SYT7: variants seen among roughly 807,000 people sequenced by gnomAD.
SYT7 encodes the protein synaptotagmin 7.
SYT7 carries 29 observed loss-of-function variants against 75.1 expected under a neutral mutation model. That is an observed-to-expected ratio of 0.39 (90% CI 0.29 to 0.53). The LOEUF (loss-of-function observed/expected upper bound fraction) is 0.53, where lower values mean the gene tolerates loss of function less well. Among genes scored for constraint, SYT7 ranks in the 20% least tolerant of loss-of-function variants. The pLI is 0.77. For missense variants in SYT7, 693 were observed against 953.2 expected (o/e 0.73, Z 3.59); for synonymous variants, 376 against 401.7 (o/e 0.94, Z 0.76).
At chr11:61,577,989 G>C (rs556356062) in intron 1 of SYT7, among the ~76,000 whole-genome samples, 10 of 152,334 alleles carry the variant, frequency 6.6e-5, no homozygotes, top group African/African-American at 2.4e-4. Flanking sequence ...GGGACTTCAG[G>C]ATGAACCAGA....
chr11:61,524,511 A>G lies in SYT7; in HGVS notation c.1493T>C (p.Val498Ala). ...LFEGFPYEKVVQRILYLQVLD... is the reference protein window; with the variant it reads ...LFEGFPYEKVAQRILYLQVLD... ...GACTTGGAGGTAGAGGATCCTCTGC[A>G]CCACCTTCTCATAGGGAAAACCTGG... The change falls in exon 10 of 13, where the codon GTG becomes GCG. Residue 498 changes from valine (V) to alanine (A), a missense_variant. By Grantham distance (64) the Val-to-Ala change is moderately conservative (BLOSUM62 0). This residue lies in a region of SYT7 where 206 missense variants were observed against 360.0 expected (regional missense o/e 0.57). Transcript: ENST00000539008. The surrounding 1 kb of genome is among the most constrained non-coding windows in gnomAD (Gnocchi z 4.1). 6.2e-7 allele frequency: 1 copy of G among 1,600,866 alleles called. No individual in the cohort carries two copies. Among genetic ancestry groups the G allele is most frequent in the Non-Finnish European group, 8.5e-7 (1 of 1,172,746 alleles).
chr11:61,530,695 C>A, intron 8 of SYT7: 1 of 679,164 alleles, frequency 1.5e-6, no homozygotes, highest in Non-Finnish European at 1.8e-6. Flanking sequence ...ACCTGAGGTC[C>A]CTCTGGTCCC....
At chr11:61,585,550 G>A (rs2135496995), upstream of SYT7, among the ~76,000 whole-genome samples, 1 of 152,266 alleles carries the variant, frequency 6.6e-6, no homozygotes, top group African/African-American at 2.4e-5. Context: ...CAGAGGACAA[G>A]AGTCTGGAGA....
intron 1 of SYT7, among the ~76,000 whole-genome samples, chr11:61,568,210 T>C (rs1373434959): frequency 6.6e-6 from 1 of 152,118 alleles, no homozygotes; most frequent in Non-Finnish European, 1.5e-5. Context: ...GGTGGGGCTC[T>C]TTGAAAGGCA....
Position 61,546,734 on chromosome 11 carries a change from C to G in SYT7, c.347+443G>C. 1 of 438,310 alleles carries G rather than the reference C, an allele frequency of 2.3e-6. No individual in the cohort carries two copies. 27.2% of individuals were successfully genotyped at this position (438,310 alleles called of 1,614,324 possible). On this transcript the variant is annotated intron_variant, in intron 4 of 12. Coordinates refer to ENST00000539008, the MANE Select transcript of SYT7 (RefSeq NM_001365809.2). The surrounding 1 kb of genome is among the most constrained non-coding windows in gnomAD (Gnocchi z 7.6). The stretch of plus-strand genomic sequence containing the variant: ...AGTCAGAGTTCATCACCACCACCAC[C>G]ACCATCACCGCCACCACCGCCACGA...
intron 5 of SYT7, among the ~76,000 whole-genome samples, 191 bp downstream of exon 5, chr11:61,545,840 C>T (rs546025228): frequency 2.6e-4 from 39 of 152,264 alleles, no homozygotes; most frequent in African/African-American, 9.1e-4. Flanking sequence ...TGAAATGCAT[C>T]ACTGTATGGC....
chr11:61,558,394 A>AG (rs1018974472), intron 1 of SYT7, among the ~76,000 whole-genome samples: 1 of 151,336 alleles, frequency 6.6e-6, no homozygotes, highest in Admixed American at 6.6e-5. Context: ...TGGGGGTTGG[A>AG]GGGGGGCGGA....
intron 12 of SYT7, 95 bp from the exon 13 acceptor site, chr11:61,518,826 C>T (rs1299711541): frequency 6.9e-6 from 6 of 868,300 alleles, no homozygotes; most frequent in Non-Finnish European, 1.0e-5. Flanking sequence ...CCATGATACC[C>T]TAGCCTGTGG....
At chr11:61,579,516 T>C (rs368866094) in intron 1 of SYT7, among the ~76,000 whole-genome samples, 25 of 152,038 alleles carry the variant, frequency 1.6e-4, no homozygotes, top group African/African-American at 6.0e-4. Flanking sequence ...CAATATCGAC[T>C]GGACTGAAAA....
chr11:61,584,810 G>A (rs1032774669), upstream of SYT7, among the ~76,000 whole-genome samples: 8 of 152,208 alleles, frequency 5.3e-5, no homozygotes, highest in Admixed American at 4.6e-4. Flanking sequence ...CCCCTGCCCT[G>A]CCCTTGGGTC....
In SYT7 at chr11:61,576,926, G is replaced by T. The variant is rs1429632388; in HGVS notation, c.31+3864C>A. Reference sequence around the variant, plus strand: ...ACCCAGCTGCCCAGGGCCTGTCTTTGCTCACCCAGCACCCACCTATTGACC... The same window carrying T: ...ACCCAGCTGCCCAGGGCCTGTCTTTTCTCACCCAGCACCCACCTATTGACC... On this transcript the variant is annotated intron_variant, in intron 1 of 12. Coordinates refer to ENST00000539008, the MANE Select transcript of SYT7 (RefSeq NM_001365809.2). This position sits in a 1 kb window ranked among gnomAD's most constrained non-coding sequence, Gnocchi z 4.1. Among the ~76,000 whole-genome samples, 1 of 152,044 alleles carries T rather than the reference G, an allele frequency of 6.6e-6. No individual in the cohort carries two copies. Among genetic ancestry groups the T allele is most frequent in the African/African-American group, 2.4e-5 (1 of 41,390 alleles).
Position 61,581,000 on chromosome 11 carries a change from G to A in SYT7, c.-180C>T. On this transcript the variant is annotated 5_prime_UTR_variant, in exon 1 of 13. Transcript: ENST00000539008. The surrounding 1 kb of genome is among the most constrained non-coding windows in gnomAD (Gnocchi z 6.1). ...GCGGGGGCCGCCCGCCAGCCCTCCCGCCCGCCCGCGGAGCACGCTGCCGCC... is the reference window on the plus strand; with the variant it reads ...GCGGGGGCCGCCCGCCAGCCCTCCCACCCGCCCGCGGAGCACGCTGCCGCC... 2.5e-6 allele frequency: 1 copy of A among 395,858 alleles called. No homozygotes were observed. Among genetic ancestry groups the A allele is most frequent in the Non-Finnish European group, 3.3e-6 (1 of 298,692 alleles). 24.5% of individuals were successfully genotyped at this position (395,858 alleles called of 1,614,324 possible). A position where few individuals can be genotyped will look rare whatever the true frequency, so the allele number is the denominator to read the frequency against.
rs1355981479 is a variant in SYT7 at position 61,580,648 on chromosome 11, C to A, written c.31+142G>T. 1.5e-5 allele frequency: 7 copies of A among 459,154 alleles called. No homozygotes were observed. The highest frequency in any genetic ancestry group is 3.3e-6 in the Non-Finnish European group (1 of 300,264). 28.4% of individuals were successfully genotyped at this position (459,154 alleles called of 1,614,324 possible). A position where few individuals can be genotyped will look rare whatever the true frequency, so the allele number is the denominator to read the frequency against. ...CCGCTGCCGCTCGATCCCGCGCCCC[C>A]GGGGCTGGGATGACCCCTGGGGGAG... On this transcript the variant is annotated intron_variant, in intron 1 of 12. Coordinates refer to ENST00000539008, the MANE Select transcript of SYT7 (RefSeq NM_001365809.2). This position sits in a 1 kb window ranked among gnomAD's most constrained non-coding sequence, Gnocchi z 6.1.
chr11:61,544,566 G>A (rs1475167648), intron 5 of SYT7, among the ~76,000 whole-genome samples: 1 of 152,212 alleles, frequency 6.6e-6, no homozygotes, highest in Non-Finnish European at 1.5e-5. Flanking sequence ...GGTCAAGGCA[G>A]AGGGAGGGCG....
At chr11:61,561,507 G>C (rs933024983) in intron 1 of SYT7, among the ~76,000 whole-genome samples, 2 of 152,172 alleles carry the variant, frequency 1.3e-5, no homozygotes, top group African/African-American at 4.8e-5. Flanking sequence ...ACCCCCCAAG[G>C]AGATCTCAGG....
At chr11:61,544,710 G>A (rs926712788) in intron 5 of SYT7, among the ~76,000 whole-genome samples, 1 of 152,200 alleles carries the variant, frequency 6.6e-6, no homozygotes, top group African/African-American at 2.4e-5. Flanking sequence ...GGAGCCAGTG[G>A]ATGGCATGGA....
chr11:61,587,740 A>T, the SYT7 span, among the ~76,000 whole-genome samples: 1 of 152,114 alleles, frequency 6.6e-6, no homozygotes, highest in South Asian at 2.1e-4. Flanking sequence ...GGCGCCCCCA[A>T]CATTGAAGTC....
Position 61,516,073 on chromosome 11 carries a change from T to A in SYT7, c.*2554A>T, listed in dbSNP as rs1246924531. On this transcript the variant is annotated 3_prime_UTR_variant, in exon 13 of 13. Coordinates refer to ENST00000539008, the MANE Select transcript of SYT7 (RefSeq NM_001365809.2). The surrounding 1 kb of genome is among the most constrained non-coding windows in gnomAD (Gnocchi z 4.6). ...CCGAGGCCCAGGGAGTGCGGGTGAC[T>A]TGCCCAAAGTCCTGGGATGGTGGCA... is the stretch of plus-strand genomic sequence containing the variant. 1 of 152,560 alleles carries A rather than the reference T, an allele frequency of 6.6e-6. No homozygotes were observed. Among genetic ancestry groups the A allele is most frequent in the Non-Finnish European group, 1.5e-5 (1 of 68,114 alleles). 9.5% of individuals were successfully genotyped at this position (152,560 alleles called of 1,614,324 possible). A position where few individuals can be genotyped will look rare whatever the true frequency, so the allele number is the denominator to read the frequency against.
chr11:61,518,616 C>A lies in SYT7; in HGVS notation c.*11G>T. The A allele has an allele frequency of 6.5e-7, 1 of 1,536,650 alleles. No homozygotes were observed. Among genetic ancestry groups the A allele is most frequent in the Admixed American group, 2.0e-5 (1 of 50,034 alleles). ...TGGGCCCTCGGCCCCCTGGGCCTCC[C>A]TTGGCCCCACTCAGGCCTTCAGCTG... On this transcript the variant is annotated 3_prime_UTR_variant, in exon 13 of 13. Coordinates refer to ENST00000539008, the MANE Select transcript of SYT7 (RefSeq NM_001365809.2).
Sources: allele counts gnomAD v4.1 joint callset (sites outside exome capture counted in the v4.1 genomes callset), GRCh38; gene constraint gnomAD v4.1.1; regional missense constraint gnomAD v4.1.1; non-coding constraint Gnocchi (gnomAD v3.1); transcripts MANE v1.5; gene names NCBI Gene and HGNC (gene_info 2026-07-23, HGNC 2026-07-21).